Variants in ITPK1 observed in about 807,000 individuals in gnomAD.
ITPK1 encodes inositol-tetrakisphosphate 1-kinase.
ITPK1 carries 21 observed loss-of-function variants against 45.3 expected under a neutral mutation model. The ratio of observed to expected loss-of-function variants is 0.46; its 90% CI spans 0.33 to 0.67. The LOEUF is 0.67. ITPK1 is among the 30% of genes least tolerant of loss of function. The pLI is 0.02. For missense variants in ITPK1, 474 were observed against 573.5 expected (o/e 0.83, Z 1.77); for synonymous variants, 258 against 253.6 (o/e 1.02, Z -0.16).
At position 92,940,621 on chromosome 14, in the gene ITPK1, C is replaced by T. The variant is rs1887317512; in HGVS notation, c.*940G>A. 2 of 1,223,382 alleles carry T rather than the reference C, an allele frequency of 1.6e-6. No homozygotes were observed. The highest frequency in any genetic ancestry group is 1.4e-5 in the South Asian group (1 of 69,556). The allele number at this position is 1,223,382 out of a possible 1,614,324, so 75.8% of individuals were successfully genotyped here. A position where few individuals can be genotyped will look rare whatever the true frequency, so the allele number is the denominator to read the frequency against. On this transcript the variant is annotated 3_prime_UTR_variant, in exon 11 of 11. Transcript: ENST00000267615. ...GCCGAGGCTCCCGCGCCTATCCTCACCTAGGTGACTTTATGGAAAGGCAGG... is the reference window on the plus strand; with the variant it reads ...GCCGAGGCTCCCGCGCCTATCCTCATCTAGGTGACTTTATGGAAAGGCAGG...
At chr14:93,072,251 A>G (rs1308889314) in intron 3 of ITPK1, 5 of 151,678 alleles carry the variant, frequency 3.3e-5, no homozygotes, top group African/African-American at 1.2e-4. Context: ...GCAGTGGGCC[A>G]AGATCATGCC....
chr14:92,980,783 C>A (rs1177220705), intron 5 of ITPK1, among the ~76,000 whole-genome samples: 1 of 152,194 alleles, frequency 6.6e-6, no homozygotes, highest in Non-Finnish European at 1.5e-5. Flanking sequence ...TCAAGCAATT[C>A]TCCTGCTTCA....
At chr14:92,981,490 C>A (rs1165312639) in intron 5 of ITPK1, among the ~76,000 whole-genome samples, 1 of 152,190 alleles carries the variant, frequency 6.6e-6, no homozygotes, top group African/African-American at 2.4e-5. Flanking sequence ...GCCCCACAGA[C>A]AACCAGGACC....
At chr14:93,109,359 GA>G (rs1892651685) in intron 2 of ITPK1, among the ~76,000 whole-genome samples, 2 of 152,204 alleles carry the variant, frequency 1.3e-5, no homozygotes, top group South Asian at 4.1e-4. Flanking sequence ...CACCTATAGA[GA>G]CAGACTGCCC....
At chr14:93,115,657 C>T (rs1413746877) in intron 1 of ITPK1, 115 bp downstream of exon 1, 1 of 149,146 alleles carries the variant, frequency 6.7e-6, no homozygotes, top group Non-Finnish European at 1.5e-5. Flanking sequence ...CTTCCTCCCT[C>T]CTCCTCCCGC....
At chr14:93,080,677 A>G (rs1408239658) in intron 2 of ITPK1, among the ~76,000 whole-genome samples, 1 of 152,240 alleles carries the variant, frequency 6.6e-6, no homozygotes, top group Non-Finnish European at 1.5e-5. Context: ...TGTGTTTTCC[A>G]GATTTTCTAC....
intron 3 of ITPK1, among the ~76,000 whole-genome samples, chr14:93,041,586 G>A (rs1191709648): frequency 6.6e-6 from 1 of 152,230 alleles, no homozygotes; most frequent in African/African-American, 2.4e-5. Flanking sequence ...AGTGAAAGTA[G>A]GCCCTGTGGC....
At chr14:92,977,660 T>C (rs778546969) in intron 5 of ITPK1, among the ~76,000 whole-genome samples, 3 of 151,818 alleles carry the variant, frequency 2.0e-5, no homozygotes, top group Non-Finnish European at 4.4e-5. Flanking sequence ...GGTGTAGCAC[T>C]TCATCCTTCT....
At chr14:93,067,315 G>A (rs1422205107) in intron 3 of ITPK1, 1 of 152,218 alleles carries the variant, frequency 6.6e-6, no homozygotes, top group Non-Finnish European at 1.5e-5. Context: ...GGAGGGCCTG[G>A]GGTTCTGGAA....
chr14:93,051,370 CT>C (rs1889999873), intron 3 of ITPK1, among the ~76,000 whole-genome samples: 1 of 152,170 alleles, frequency 6.6e-6, no homozygotes, highest in African/African-American at 2.4e-5. Flanking sequence ...AATCCCTGCA[CT>C]TTGGAAGGCC....
At chr14:93,066,407 C>CT (rs751357627) in intron 3 of ITPK1, 77,008 of 291,816 alleles carry the variant, frequency 0.26, 6,579 homozygotes, top group East Asian at 0.4. Context: ...TTTAGCAATT[C>CT]TTTTTTTTTT....
chr14:93,032,072 G>A lies in ITPK1; in HGVS notation c.121-15271C>T, dbSNP rs181022936. Among the ~76,000 whole-genome samples, 593 of 152,184 alleles carry A rather than the reference G, an allele frequency of 3.9e-3. 5 individuals are homozygous for A. Among genetic ancestry groups the A allele is most frequent in the Non-Finnish European group, 3.4e-3 (232 of 68,028 alleles). On this transcript the variant is annotated intron_variant, in intron 3 of 10. Transcript: ENST00000267615. The surrounding 1 kb of genome is among the most constrained non-coding windows in gnomAD (Gnocchi z 4.0). ...TTGATATAATAGTAACAAAGCAGCC[G>A]GGTGCAGTGGCTCACGCCTGTCATC... is the stretch of plus-strand genomic sequence containing the variant.
At chr14:93,112,806 G>A (rs771654538) in intron 2 of ITPK1, among the ~76,000 whole-genome samples, 10 of 152,100 alleles carry the variant, frequency 6.6e-5, no homozygotes, top group Non-Finnish European at 1.2e-4. Context: ...TTCATCACCC[G>A]TCGTCAGTAC....
chr14:93,065,762 T>A (rs1890718070), intron 3 of ITPK1, among the ~76,000 whole-genome samples: 1 of 152,226 alleles, frequency 6.6e-6, no homozygotes, highest in Admixed American at 6.5e-5. Flanking sequence ...GGACTGTTAG[T>A]AACAGCAAAC....
At position 92,952,181 on chromosome 14, in the gene ITPK1, G is replaced by C. The variant is rs530019979; in HGVS notation, c.671-168C>G. Among the ~76,000 whole-genome samples, 8 of 152,326 alleles carry C rather than the reference G, an allele frequency of 5.3e-5. No individual in the cohort carries two copies. In the East Asian group the frequency reaches 1.5e-3, roughly 29 times the overall value. On this transcript the variant is annotated intron_variant, in intron 8 of 10. Coordinates refer to ENST00000267615, the MANE Select transcript of ITPK1 (RefSeq NM_014216.6). ...GGGCACCAGCCCTGGGCACGGATGT[G>C]TGCCCCATCAGGGCTCCGGTTCACC... is the stretch of plus-strand genomic sequence containing the variant.
chr14:93,097,341 G>A (rs1179323909), intron 2 of ITPK1, among the ~76,000 whole-genome samples: 1 of 152,196 alleles, frequency 6.6e-6, no homozygotes, highest in Non-Finnish European at 1.5e-5. Flanking sequence ...GGCCTCCAGA[G>A]GCCTTGGAAA....
At chr14:92,947,342 C>T (rs1054403751) in intron 9 of ITPK1, among the ~76,000 whole-genome samples, 2 of 152,212 alleles carry the variant, frequency 1.3e-5, no homozygotes, top group Middle Eastern at 3.2e-3. Context: ...CCTCCCAGCC[C>T]GGCACTCCCC....
intron 3 of ITPK1, among the ~76,000 whole-genome samples, chr14:93,044,707 C>T (rs907136851): frequency 6.6e-6 from 1 of 152,176 alleles, no homozygotes; most frequent in Non-Finnish European, 1.5e-5. Context: ...GCCCAGCGGA[C>T]AGCAACACGG....
chr14:92,983,902 A>T (rs1886357894), intron 5 of ITPK1, among the ~76,000 whole-genome samples: 1 of 152,102 alleles, frequency 6.6e-6, no homozygotes, highest in African/African-American at 2.4e-5. Context: ...GTATGGAAAT[A>T]TTATGCTGCC....
Sources: allele counts gnomAD v4.1 joint callset (sites outside exome capture counted in the v4.1 genomes callset), GRCh38; gene constraint gnomAD v4.1.1; non-coding constraint Gnocchi (gnomAD v3.1); transcripts MANE v1.5; gene names NCBI Gene and HGNC (gene_info 2026-07-23, HGNC 2026-07-21).